The following TENM3 variants were observed in gnomAD, a reference collection of about 807,000 sequenced individuals.
The protein encoded by TENM3 is teneurin transmembrane protein 3, also known as teneurin-3.
A neutral mutation model predicts 255.1 loss-of-function variants in TENM3; 63 were observed. The ratio of observed to expected loss-of-function variants is 0.25; its 90% CI spans 0.20 to 0.30. The LOEUF (loss-of-function observed/expected upper bound fraction) is 0.30. Ranked by LOEUF, TENM3 falls within the 10% of genes least tolerant of loss-of-function variation. TENM3 has a pLI of 1.00. For synonymous variants in TENM3, 1,306 were observed against 1,322.3 expected (o/e 0.99, Z 0.27); for missense variants, 2,929 against 3,461.1 (o/e 0.85, Z 3.86).
the TENM3 span, among the ~76,000 whole-genome samples, chr4:181,656,185 C>G: frequency 6.6e-6 from 1 of 152,144 alleles, no homozygotes; most frequent in South Asian, 2.1e-4. Context: ...AGAACCCAGG[C>G]TTTTGAGGCA....
At chr4:181,790,784 C>T in the TENM3 span, among the ~76,000 whole-genome samples, 1 of 152,152 alleles carries the variant, frequency 6.6e-6, no homozygotes, top group Non-Finnish European at 1.5e-5. Context: ...TATCTGCTTA[C>T]GGAGAGAGGA....
the TENM3 span, among the ~76,000 whole-genome samples, chr4:181,554,097 AG>A: frequency 6.6e-6 from 1 of 152,212 alleles, no homozygotes; most frequent in Non-Finnish European, 1.5e-5. Context: ...GAGGAGGAAG[AG>A]GATAAGTAGA....
Position 182,789,197 on chromosome 4 carries a change from G to T in TENM3, c.5409G>T (p.Thr1803=), listed in dbSNP as rs372287883. 7 of 1,612,990 alleles carry T rather than the reference G, an allele frequency of 4.3e-6. No homozygotes were observed. The highest frequency in any genetic ancestry group is 2.2e-5 in the East Asian group (1 of 44,876). ...RKFLLRIAYD[T]SGHPTLWLPS... Reference sequence around the variant, plus strand: ...TTCTACTGAGGATCGCCTACGACACGTCTGGGCACCCGACTCTCTGGCTGC... The same window carrying T: ...TTCTACTGAGGATCGCCTACGACACTTCTGGGCACCCGACTCTCTGGCTGC... The change falls in exon 25 of 28, where the codon ACG becomes ACT. Residue 1803 remains threonine (T), a synonymous_variant. Transcript: ENST00000511685. This position sits in a 1 kb window ranked among gnomAD's most constrained non-coding sequence, Gnocchi z 4.4.
chr4:182,355,824 A>G (rs1304610979), intron 3 of TENM3, among the ~76,000 whole-genome samples: 5 of 151,938 alleles, frequency 3.3e-5, no homozygotes, highest in Non-Finnish European at 5.9e-5. Flanking sequence ...TCTATGGTAA[A>G]GTTAGTAATT....
intron 3 of TENM3, among the ~76,000 whole-genome samples, chr4:182,479,190 A>G (rs1733959461): frequency 1.3e-5 from 2 of 151,938 alleles, no homozygotes; most frequent in Admixed American, 1.3e-4. Flanking sequence ...TTGGCAAGTT[A>G]AAAGTCTGTA....
At chr4:181,655,039 G>A in the TENM3 span, among the ~76,000 whole-genome samples, 1 of 152,212 alleles carries the variant, frequency 6.6e-6, no homozygotes, top group Non-Finnish European at 1.5e-5. Flanking sequence ...GACTTTTAAA[G>A]AGATGAGAGT....
chr4:182,396,885 G>A (rs1194445906), intron 3 of TENM3, among the ~76,000 whole-genome samples: 1 of 151,556 alleles, frequency 6.6e-6, no homozygotes, highest in Non-Finnish European at 1.5e-5. Context: ...TTGCTTGTAC[G>A]CGAGAGTGGG....
At chr4:182,729,431 CTAGTTGATTTTGT>C (rs1760499095) in intron 14 of TENM3, among the ~76,000 whole-genome samples, 1 of 151,816 alleles carries the variant, frequency 6.6e-6, no homozygotes, top group Admixed American at 6.6e-5. Context: ...CTTCATTTAA[CTAGTTGATTTTGT>C]TAGCACAGTT....
At chr4:181,687,143 A>G in the TENM3 span, among the ~76,000 whole-genome samples, 1 of 152,212 alleles carries the variant, frequency 6.6e-6, no homozygotes, top group Admixed American at 6.6e-5. Flanking sequence ...ATAAAATTTT[A>G]TTAAAACATT....
the TENM3 span, among the ~76,000 whole-genome samples, chr4:182,019,998 A>G: frequency 6.6e-6 from 1 of 152,030 alleles, no homozygotes; most frequent in African/African-American, 2.4e-5. Context: ...TGGTTGTGGA[A>G]GACTCAGTCT....
At chr4:182,291,466 AGT>A in intron 1 of TENM3, among the ~76,000 whole-genome samples, 1 of 152,236 alleles carries the variant, frequency 6.6e-6, no homozygotes, top group South Asian at 2.1e-4. Flanking sequence ...ATCAGAAGGA[AGT>A]GTAGATTTCA....
At chr4:181,597,285 CTA>C in the TENM3 span, among the ~76,000 whole-genome samples, 1 of 152,166 alleles carries the variant, frequency 6.6e-6, no homozygotes, top group African/African-American at 2.4e-5. Context: ...TCACTTAACT[CTA>C]AATCAAATTT....
intron 12 of TENM3, among the ~76,000 whole-genome samples, chr4:182,694,439 G>A (rs919468812): frequency 2.5e-4 from 38 of 152,248 alleles, no homozygotes; most frequent in Middle Eastern, 3.4e-3. Context: ...AAATCGTGAT[G>A]ATGAAAGAAA....
At chr4:181,679,767 A>G in the TENM3 span, among the ~76,000 whole-genome samples, 1 of 152,182 alleles carries the variant, frequency 6.6e-6, no homozygotes, top group Admixed American at 6.6e-5. Flanking sequence ...TAAATAGTGC[A>G]TTTGTTATAA....
the TENM3 span, among the ~76,000 whole-genome samples, chr4:182,082,274 A>C: frequency 6.6e-6 from 1 of 152,126 alleles, no homozygotes; most frequent in Non-Finnish European, 1.5e-5. Flanking sequence ...AGAGCAAGGC[A>C]GCTCTCTAGG....
At chr4:182,292,652 T>C (rs761761650) in intron 1 of TENM3, among the ~76,000 whole-genome samples, 4 of 152,144 alleles carry the variant, frequency 2.6e-5, no homozygotes, top group Non-Finnish European at 5.9e-5. Context: ...TCTTTCCCTC[T>C]CTGAAAGTGG....
intron 20 of TENM3, among the ~76,000 whole-genome samples, chr4:182,752,477 T>C (rs1762443272): frequency 6.6e-6 from 1 of 152,176 alleles, no homozygotes; most frequent in Non-Finnish European, 1.5e-5. Context: ...AACTTTTGTT[T>C]CTATGCCATG....
intron 1 of TENM3, among the ~76,000 whole-genome samples, chr4:182,154,272 A>G (rs1186558079): frequency 6.6e-6 from 1 of 151,648 alleles, no homozygotes. Context: ...GGCCCTCGTT[A>G]TTACTTTTAA....
At chr4:181,759,661 A>C in the TENM3 span, among the ~76,000 whole-genome samples, 1 of 151,936 alleles carries the variant, frequency 6.6e-6, no homozygotes, top group Non-Finnish European at 1.5e-5. Context: ...TGTTTGTAAA[A>C]TTCTAAGAGT....
Sources: gnomAD v4.1 joint callset for allele counts (sites outside exome capture counted in the v4.1 genomes callset) on GRCh38, gnomAD v4.1.1 for gene constraint, Gnocchi (gnomAD v3.1) non-coding constraint, MANE v1.5 for transcripts, NCBI Gene and HGNC (gene_info 2026-07-23, HGNC 2026-07-21) for gene names.